Variants in SAG observed in about 807,000 individuals in gnomAD.
SAG encodes the protein S-antigen visual arrestin.
A neutral mutation model predicts 55.0 loss-of-function variants in SAG; 45 were observed. The ratio of observed to expected loss-of-function variants is 0.82; its 90% CI spans 0.64 to 1.05. The LOEUF (loss-of-function observed/expected upper bound fraction) is 1.05. SAG is among the 50% of genes least tolerant of loss of function. SAG has a pLI of 0.00. For synonymous variants in SAG, 189 were observed against 197.4 expected (o/e 0.96, Z 0.36); for missense variants, 455 against 512.1 (o/e 0.89, Z 1.08).
chr2:233,311,691 G>A (rs115674561), intron 2 of SAG, among the ~76,000 whole-genome samples: 143 of 152,282 alleles, frequency 9.4e-4, no homozygotes, highest in Non-Finnish European at 1.5e-3. Context: ...TGTTGCAGTG[G>A]AAGGGGTAGT....
At chr2:233,336,153 C>G (rs564401178) in intron 11 of SAG, among the ~76,000 whole-genome samples, 3 of 152,174 alleles carry the variant, frequency 2.0e-5, no homozygotes, top group Admixed American at 1.3e-4. Flanking sequence ...GCGTAGGGAT[C>G]GTAAGATGAA....
chr2:233,335,130 T>C (rs377375250), intron 11 of SAG, 31 bp downstream of exon 11: 46 of 1,597,372 alleles, frequency 2.9e-5, no homozygotes, highest in African/African-American at 5.4e-5. Flanking sequence ...GAATAAGCCC[T>C]GGCAGGGCGG....
At chr2:233,320,026 C>A in intron 4 of SAG, 1 of 970,024 alleles carries the variant, frequency 1.0e-6, no homozygotes, top group African/African-American at 1.8e-5. Flanking sequence ...CACTTCAGGT[C>A]TGTTCAACAA....
At chr2:233,339,537 G>GTT (rs10711990) in intron 12 of SAG, among the ~76,000 whole-genome samples, 4,793 of 129,218 alleles carry the variant, frequency 0.037, 322 homozygotes, top group African/African-American at 0.13. Flanking sequence ...TTAGCATAGT[G>GTT]TTTTTTTTTT....
rs1235578450 is a variant in SAG, at chr2:233,307,967, A to G, written c.-84A>G. The G allele has an allele frequency of 1.3e-5, 2 of 152,546 alleles. No individual in the cohort carries two copies. Among genetic ancestry groups the G allele is most frequent in the African/African-American group, 4.8e-5 (2 of 41,480 alleles). 9.4% of individuals were successfully genotyped at this position (152,546 alleles called of 1,614,324 possible). A position where few individuals can be genotyped will look rare whatever the true frequency, so the allele number is the denominator to read the frequency against. ...CTGGCTATTCATCATCTCAGAGCAT[A>G]GAGACCCTCTCCTTGCCACCCGGCC... On this transcript the variant is annotated 5_prime_UTR_variant, in exon 1 of 16. The change creates a new upstream start codon in the 5' untranslated region. Transcript: ENST00000409110.
In SAG at chr2:233,328,506, G is replaced by A. The variant is rs201468662; in HGVS notation, c.541G>A (p.Val181Ile). 1.9e-6 allele frequency: 3 copies of A among 1,613,950 alleles called. No homozygotes were observed. The highest frequency in any genetic ancestry group is 2.7e-5 in the African/African-American group (2 of 75,066). Residue 181 changes from valine to isoleucine, a missense_variant, in exon 8 of 16, where the codon GTA becomes ATA. Transcript: ENST00000409110. The part of the protein sequence containing the change: ...KSSVRLLIRK[V>I]QHAPLEMGPQ... ...CTCCGTGCGATTACTGATCCGCAAA[G>A]TACAGCATGCCCCACTTGAGATGGG...
At chr2:233,310,983 G>C (rs1179068320) in intron 2 of SAG, among the ~76,000 whole-genome samples, 1 of 152,074 alleles carries the variant, frequency 6.6e-6, no homozygotes, top group Non-Finnish European at 1.5e-5. Context: ...CCTTTCCCAA[G>C]TTGTATCTTT....
intron 9 of SAG, among the ~76,000 whole-genome samples, chr2:233,330,680 A>G (rs1008118103): frequency 2.0e-5 from 3 of 151,906 alleles, no homozygotes; most frequent in Admixed American, 6.6e-5. Flanking sequence ...ACAGGCGTGC[A>G]CCAATTTTGC....
At position 233,346,865 on chromosome 2, in the gene SAG, G is replaced by A. The variant is rs772925990; in HGVS notation, c.1171G>A (p.Gly391Arg). The A allele has an allele frequency of 1.2e-6, 2 of 1,613,062 alleles. No individual in the cohort carries two copies. Among genetic ancestry groups the A allele is most frequent in the South Asian group, 1.1e-5 (1 of 90,830 alleles). Reference protein sequence around the residue: ...EFARHNLKDAGEAEEGKRDKN... With the variant: ...EFARHNLKDAREAEEGKRDKN... ...TGCTCGCCATAATCTGAAAGATGCA[G>A]GAGAAGCTGAGGAGGGGAAGAGAGA... is the stretch of plus-strand genomic sequence containing the variant. The change falls in exon 16 of 16, where the codon GGA becomes AGA. Residue 391 changes from glycine (G) to arginine (R), a missense_variant. Coordinates refer to ENST00000409110, the MANE Select transcript of SAG (RefSeq NM_000541.5).
At chr2:233,318,393 AT>A (rs904691731) in intron 3 of SAG, among the ~76,000 whole-genome samples, 2 of 151,636 alleles carry the variant, frequency 1.3e-5, no homozygotes, top group Non-Finnish European at 2.9e-5. Flanking sequence ...CTGCTGGCTA[AT>A]TTTTTTTAAA....
chr2:233,310,653 T>C (rs1343743122), intron 2 of SAG, among the ~76,000 whole-genome samples: 4 of 151,980 alleles, frequency 2.6e-5, no homozygotes, highest in East Asian at 1.9e-4. Context: ...ACTACAGGCA[T>C]GTGCCACCGC....
At chr2:233,328,660 GC>G in intron 8 of SAG, 47 bp downstream of exon 8, 1 of 1,560,790 alleles carries the variant, frequency 6.4e-7, no homozygotes, top group South Asian at 1.2e-5. Flanking sequence ...AGGCCTAGGG[GC>G]AGGCCCCACA....
chr2:233,330,729 G>T (rs1417304901), intron 9 of SAG, among the ~76,000 whole-genome samples: 4 of 151,900 alleles, frequency 2.6e-5, no homozygotes, highest in African/African-American at 7.3e-5. Flanking sequence ...TGGGGATTTC[G>T]CCATGTTGGC....
At chr2:233,315,957 C>T in intron 2 of SAG, 118 bp from the exon 3 acceptor site, 1 of 655,742 alleles carries the variant, frequency 1.5e-6, no homozygotes, top group Non-Finnish European at 2.8e-6. Flanking sequence ...GCCTTGGCCT[C>T]CCAAAGTGCT....
chr2:233,318,928 T>C (rs1362539803), intron 4 of SAG, 133 bp downstream of exon 4: 1 of 813,042 alleles, frequency 1.2e-6, no homozygotes, highest in South Asian at 1.4e-5. Context: ...ATGGAACCAG[T>C]GCCAGGCCCA....
At chr2:233,326,900 CTCTGGGGGCTTTG>C (rs1166971958) in intron 6 of SAG, among the ~76,000 whole-genome samples, 1 of 152,232 alleles carries the variant, frequency 6.6e-6, no homozygotes. Flanking sequence ...GATCCCCTCC[CTCTGGGGGCTTTG>C]GGCCCATGGC....
chr2:233,316,054 C>CCA, intron 2 of SAG, 21 bp from the exon 3 acceptor site: 1 of 1,519,968 alleles, frequency 6.6e-7, no homozygotes, highest in Non-Finnish European at 9.0e-7. Context: ...GCCCTTAGAC[C>CCA]CACACCTGTT....
At chr2:233,346,458 G>T in intron 15 of SAG, 46 bp downstream of exon 15, 2 of 1,603,308 alleles carry the variant, frequency 1.2e-6, no homozygotes, top group Non-Finnish European at 1.7e-6. Flanking sequence ...CTATGCTCTG[G>T]GACCTTCTCC....
At chr2:233,320,341 G>A (rs974491570) in intron 4 of SAG, among the ~76,000 whole-genome samples, 1 of 152,208 alleles carries the variant, frequency 6.6e-6, no homozygotes, top group African/African-American at 2.4e-5. Flanking sequence ...AAGGGGGCGG[G>A]CAGGATGGAG....
Sources: gnomAD v4.1 joint callset for allele counts (sites outside exome capture counted in the v4.1 genomes callset) on GRCh38, gnomAD v4.1.1 for gene constraint, MANE v1.5 for transcripts, NCBI Gene and HGNC (gene_info 2026-07-23, HGNC 2026-07-21) for gene names.